Variants in KIRREL3 observed in about 807,000 individuals in gnomAD.
The protein encoded by KIRREL3 is kirre like nephrin family adhesion molecule 3, also known as kin of IRRE-like protein 3.
Under a neutral mutation model 89.7 loss-of-function variants are expected in KIRREL3, and 36 were observed. That is an observed-to-expected ratio of 0.40 (90% CI 0.31 to 0.53). The LOEUF is 0.53. KIRREL3 is among the 20% of genes least tolerant of loss of function. KIRREL3 has a pLI of 0.49. For missense variants in KIRREL3, 864 were observed against 1,056.6 expected (o/e 0.82, Z 2.53); for synonymous variants, 445 against 441.4 (o/e 1.01, Z -0.10).
In KIRREL3 at chr11:126,748,657, A is replaced by C. The variant is rs1477622026; in HGVS notation, c.56-185745T>G. 3.3e-5 allele frequency among the ~76,000 whole-genome samples: 5 copies of C among 152,146 alleles called. No individual in the cohort carries two copies. Among genetic ancestry groups the C allele is most frequent in the African/African-American group, 1.2e-4 (5 of 41,442 alleles). ...GGAAGGGGGCAGGGGCAGGAAGGCC[A>C]AGGCTGATTCGGCCTTGGTCTGGCA... On this transcript the variant is annotated intron_variant, in intron 1 of 16. Coordinates refer to ENST00000525144, the MANE Select transcript of KIRREL3 (RefSeq NM_032531.4). This position sits in a 1 kb window ranked among gnomAD's most constrained non-coding sequence, Gnocchi z 4.6.
intron 2 of KIRREL3, among the ~76,000 whole-genome samples, chr11:126,548,691 C>A (rs919398760): frequency 2.0e-5 from 3 of 152,214 alleles, no homozygotes; most frequent in African/African-American, 2.4e-5. Flanking sequence ...TCCAGGGGAA[C>A]CTGAGGTAAG....
chr11:126,424,176 G>GT lies in KIRREL3; in HGVS notation c.*403dup. On this transcript the variant is annotated 3_prime_UTR_variant, in exon 17 of 17. Coordinates refer to ENST00000525144, the MANE Select transcript of KIRREL3 (RefSeq NM_032531.4). ...TATGGGAGCACAGGCACAGGGGTAG[G>GT]TAGAGCTTCTGGTCAGCGAGGGGTA... 1 of 261,862 alleles carries GT rather than the reference G, an allele frequency of 3.8e-6. No homozygotes were observed. The highest frequency in any genetic ancestry group is 5.3e-5 in the South Asian group (1 of 18,820). The allele number at this position is 261,862 out of a possible 1,614,324, so 16.2% of individuals were successfully genotyped here.
At chr11:126,849,253 C>T (rs768049610) in intron 1 of KIRREL3, among the ~76,000 whole-genome samples, 2 of 139,838 alleles carry the variant, frequency 1.4e-5, no homozygotes, top group Admixed American at 1.5e-4. Flanking sequence ...TTACGAATGC[C>T]ACGGCAATGT....
At position 127,000,633 on chromosome 11, in the gene KIRREL3, C is replaced by T. The variant is rs116313977; in HGVS notation, c.-124G>A. 1.3e-3 allele frequency: 1,265 copies of T among 955,504 alleles called. 6 individuals are homozygous for T. The African/African-American group carries it at 0.019, about 14-fold the overall frequency. 59.2% of individuals were successfully genotyped at this position (955,504 alleles called of 1,614,324 possible). On this transcript the variant is annotated 5_prime_UTR_variant, in exon 1 of 17. Coordinates refer to ENST00000525144, the MANE Select transcript of KIRREL3 (RefSeq NM_032531.4). The surrounding 1 kb of genome is among the most constrained non-coding windows in gnomAD (Gnocchi z 7.1). ...GGTTCGCGCCTACCATCTGTCCGTC[C>T]GTGGGTCCCTCCGGGTGGCTTCGGT...
Position 126,627,016 on chromosome 11 carries a change from C to A in KIRREL3, c.56-64104G>T, listed in dbSNP as rs74462812. Among the ~76,000 whole-genome samples the A allele has an allele frequency of 0.038, 2,265 of 59,028 alleles. 23 individuals carry two copies. The highest frequency in any genetic ancestry group is 0.19 in the Middle Eastern group (25 of 130). 38.7% of individuals were successfully genotyped at this position (59,028 alleles called of 152,430 possible). A position where few individuals can be genotyped will look rare whatever the true frequency, so the allele number is the denominator to read the frequency against. On this transcript the variant is annotated intron_variant, in intron 1 of 16. Coordinates refer to ENST00000525144, the MANE Select transcript of KIRREL3 (RefSeq NM_032531.4). The surrounding 1 kb of genome is among the most constrained non-coding windows in gnomAD (Gnocchi z 5.0). Reference sequence around the variant, plus strand: ...ACACTGTCTCAAGAAAAAAAAAAAACAAAAAAAAAAGAATAACCACAGTTT... The same window carrying A: ...ACACTGTCTCAAGAAAAAAAAAAAAAAAAAAAAAAAGAATAACCACAGTTT...
Position 126,501,421 on chromosome 11 carries a change from G to A in KIRREL3, c.433+19894C>T, listed in dbSNP as rs1350039503. 6.6e-6 allele frequency among the ~76,000 whole-genome samples: 1 copy of A among 152,198 alleles called. No individual in the cohort carries two copies. The highest frequency in any genetic ancestry group is 2.4e-5 in the African/African-American group (1 of 41,440). On this transcript the variant is annotated intron_variant, in intron 4 of 16. Coordinates refer to ENST00000525144, the MANE Select transcript of KIRREL3 (RefSeq NM_032531.4). This position sits in a 1 kb window ranked among gnomAD's most constrained non-coding sequence, Gnocchi z 5.8. ...CTTAGAGACTAAGGAGGCTCCTCTG[G>A]GGAGCGAGGGTGCCCAGGTGGGGAA...
Position 126,609,380 on chromosome 11 carries a change from G to A in KIRREL3, c.56-46468C>T, listed in dbSNP as rs1005236235. On this transcript the variant is annotated intron_variant, in intron 1 of 16. Transcript: ENST00000525144. This position sits in a 1 kb window ranked among gnomAD's most constrained non-coding sequence, Gnocchi z 5.0. ...CATCTATTATTTATGATTTCCTTTC[G>A]TCTCTCCTGAGTATGACAACTGTGG... Among the ~76,000 whole-genome samples the A allele has an allele frequency of 7.9e-5, 12 of 152,210 alleles. No individual in the cohort carries two copies. The highest frequency in any genetic ancestry group is 3.4e-3 in the Middle Eastern group (1 of 294).
rs912476557 is a variant in KIRREL3 at position 126,694,769 on chromosome 11, T to C, written c.56-131857A>G. Among the ~76,000 whole-genome samples, 1 of 152,226 alleles carries C rather than the reference T, an allele frequency of 6.6e-6. No individual in the cohort carries two copies. The highest frequency in any genetic ancestry group is 6.5e-5 in the Admixed American group (1 of 15,294). Reference sequence around the variant, plus strand: ...ATGATGATGGAATTCATTATATATATGAGAGTGCTTACTCAGTATCAGGTA... The same window carrying C: ...ATGATGATGGAATTCATTATATATACGAGAGTGCTTACTCAGTATCAGGTA... On this transcript the variant is annotated intron_variant, in intron 1 of 16. Transcript: ENST00000525144. This position sits in a 1 kb window ranked among gnomAD's most constrained non-coding sequence, Gnocchi z 4.4.
At position 126,796,661 on chromosome 11, in the gene KIRREL3, CTTTTATTTTTAT is replaced by C. The variant is rs959179105; in HGVS notation, c.55+203782_55+203793del. On this transcript the variant is annotated intron_variant, in intron 1 of 16. Coordinates refer to ENST00000525144, the MANE Select transcript of KIRREL3 (RefSeq NM_032531.4). The surrounding 1 kb of genome is among the most constrained non-coding windows in gnomAD (Gnocchi z 5.1). Reference sequence around the variant, plus strand: ...ACCCTGCTTTTTATTTATTTTTATTCTTTTATTTTTATTTTTATTTTATTTTATTTTTGCAAC... The same window carrying C: ...ACCCTGCTTTTTATTTATTTTTATTCTTTTATTTTATTTTATTTTTGCAAC... 6.6e-6 allele frequency among the ~76,000 whole-genome samples: 1 copy of C among 151,960 alleles called. No homozygotes were observed. Among genetic ancestry groups the C allele is most frequent in the Non-Finnish European group, 1.5e-5 (1 of 67,990 alleles).
In KIRREL3 at chr11:126,744,067, GA is replaced by G. The variant is rs1260903760; in HGVS notation, c.56-181156del. Among the ~76,000 whole-genome samples the G allele has an allele frequency of 1.3e-5, 2 of 152,160 alleles. No individual in the cohort carries two copies. Among genetic ancestry groups the G allele is most frequent in the African/African-American group, 4.8e-5 (2 of 41,426 alleles). ...TGATAAGCAGAAAAGAAGAGGAGCA[GA>G]AAATGTTCCAGAAAGTTGGGACTAG... On this transcript the variant is annotated intron_variant, in intron 1 of 16. Transcript: ENST00000525144. This position sits in a 1 kb window ranked among gnomAD's most constrained non-coding sequence, Gnocchi z 4.7.
Position 126,601,410 on chromosome 11 carries a change from C to T in KIRREL3, c.56-38498G>A, listed in dbSNP as rs185808877. Among the ~76,000 whole-genome samples the T allele has an allele frequency of 9.5e-4, 145 of 152,340 alleles. 1 individual carries two copies. Among genetic ancestry groups the T allele is most frequent in the East Asian group, 5.8e-4 (3 of 5,188 alleles). On this transcript the variant is annotated intron_variant, in intron 1 of 16. Coordinates refer to ENST00000525144, the MANE Select transcript of KIRREL3 (RefSeq NM_032531.4). This position sits in a 1 kb window ranked among gnomAD's most constrained non-coding sequence, Gnocchi z 5.8. The stretch of plus-strand genomic sequence containing the variant: ...GAGCACCTGCAATCTCATCTTGTTT[C>T]TTTCCAAGCACCAGGGAAGAAAAGC...
At chr11:126,777,056 C>T (rs1353341932) in intron 1 of KIRREL3, among the ~76,000 whole-genome samples, 2 of 152,340 alleles carry the variant, frequency 1.3e-5, no homozygotes, top group East Asian at 3.9e-4. Context: ...CCTGGAACAG[C>T]ATAACCAGTA....
At position 126,563,224 on chromosome 11, in the gene KIRREL3, T is replaced by G. The variant is rs1304454306; in HGVS notation, c.56-312A>C. 4.6e-5 allele frequency among the ~76,000 whole-genome samples: 7 copies of G among 152,192 alleles called. No homozygotes were observed. Reference sequence around the variant, plus strand: ...AAGCCAGAGCTTTGAACCTAGGCAGTCTGGCTCTGAGTCCATGCTCATAAA... The same window carrying G: ...AAGCCAGAGCTTTGAACCTAGGCAGGCTGGCTCTGAGTCCATGCTCATAAA... On this transcript the variant is annotated intron_variant, in intron 1 of 16. Transcript: ENST00000525144. The surrounding 1 kb of genome is among the most constrained non-coding windows in gnomAD (Gnocchi z 6.8).
chr11:126,443,120 C>T lies in KIRREL3; in HGVS notation c.1252+1859G>A, dbSNP rs1955649635. 2.0e-5 allele frequency among the ~76,000 whole-genome samples: 3 copies of T among 152,342 alleles called. No individual in the cohort carries two copies. In the South Asian group the frequency reaches 6.2e-4, roughly 32 times the overall value. The stretch of plus-strand genomic sequence containing the variant: ...AAGTGACAGCAGATGTCAGCTCCTC[C>T]TTTATCCACCTGCTTTTCCCCAGAA... On this transcript the variant is annotated intron_variant, in intron 10 of 16. Coordinates refer to ENST00000525144, the MANE Select transcript of KIRREL3 (RefSeq NM_032531.4). This position sits in a 1 kb window ranked among gnomAD's most constrained non-coding sequence, Gnocchi z 7.3.
rs1234633009 is a variant in KIRREL3 at position 126,522,203 on chromosome 11, TG to T, written c.284-740del. Reference sequence around the variant, plus strand: ...AGCACTGTGGTCTACCAAGCAGACATGCATTTTGATAAGATAGAGAGGAGAG... The same window carrying T: ...AGCACTGTGGTCTACCAAGCAGACATCATTTTGATAAGATAGAGAGGAGAG... On this transcript the variant is annotated intron_variant, in intron 3 of 16. Transcript: ENST00000525144. This position sits in a 1 kb window ranked among gnomAD's most constrained non-coding sequence, Gnocchi z 6.0. 6.6e-6 allele frequency among the ~76,000 whole-genome samples: 1 copy of T among 151,988 alleles called. No homozygotes were observed. The highest frequency in any genetic ancestry group is 1.5e-5 in the Non-Finnish European group (1 of 68,006).
At position 126,639,351 on chromosome 11, in the gene KIRREL3, T is replaced by C. The variant is rs1944383839; in HGVS notation, c.56-76439A>G. Among the ~76,000 whole-genome samples the C allele has an allele frequency of 6.6e-6, 1 of 152,224 alleles. No homozygotes were observed. Among genetic ancestry groups the C allele is most frequent in the African/African-American group, 2.4e-5 (1 of 41,466 alleles). ...TTGGATTTTTGGGTCCTTTTCTTTT[T>C]GTACCTCTGGGTAAGCAAAAGGAAA... On this transcript the variant is annotated intron_variant, in intron 1 of 16. Coordinates refer to ENST00000525144, the MANE Select transcript of KIRREL3 (RefSeq NM_032531.4). The surrounding 1 kb of genome is among the most constrained non-coding windows in gnomAD (Gnocchi z 4.3).
At chr11:126,998,931 GT>G (rs1950246411) in intron 1 of KIRREL3, among the ~76,000 whole-genome samples, 1 of 104,198 alleles carries the variant, frequency 9.6e-6, no homozygotes, top group Non-Finnish European at 2.0e-5. Flanking sequence ...GTGTGTGTGT[GT>G]GTGTGTGTGT....
intron 1 of KIRREL3, among the ~76,000 whole-genome samples, chr11:126,835,821 G>A (rs1301683840): frequency 6.6e-6 from 1 of 152,174 alleles, no homozygotes; most frequent in Non-Finnish European, 1.5e-5. Context: ...GGATAGTCTA[G>A]TAATGCGATT....
chr11:126,654,116 G>A (rs1945023760), intron 1 of KIRREL3, among the ~76,000 whole-genome samples: 1 of 152,182 alleles, frequency 6.6e-6, no homozygotes, highest in South Asian at 2.1e-4. Flanking sequence ...AATCAGTTTG[G>A]CTGTGTTTCG....
Sources: gnomAD v4.1 joint callset for allele counts (sites outside exome capture counted in the v4.1 genomes callset) on GRCh38, gnomAD v4.1.1 for gene constraint, Gnocchi (gnomAD v3.1) non-coding constraint, MANE v1.5 for transcripts, NCBI Gene and HGNC (gene_info 2026-07-23, HGNC 2026-07-21) for gene names.